Variants in ADIPOR2 observed in about 807,000 individuals in gnomAD.
The protein encoded by ADIPOR2 is adiponectin receptor 2.
ADIPOR2 carries 18 observed loss-of-function variants against 40.9 expected under a neutral mutation model. The observed-to-expected ratio is 0.44, with a 90% CI of 0.30 to 0.65. The LOEUF (loss-of-function observed/expected upper bound fraction) is 0.65. Ranked by LOEUF, ADIPOR2 falls within the 30% of genes least tolerant of loss-of-function variation. The pLI is 0.09. For missense variants in ADIPOR2, 283 were observed against 479.2 expected (o/e 0.59, Z 3.82); for synonymous variants, 165 against 166.4 (o/e 0.99, Z 0.06).
At chr12:1,734,720 G>A (rs2094726919) in intron 1 of ADIPOR2, among the ~76,000 whole-genome samples, 1 of 152,126 alleles carries the variant, frequency 6.6e-6, no homozygotes, top group Non-Finnish European at 1.5e-5. Flanking sequence ...TTCTTCTAGG[G>A]TTTTTAGGTT....
At chr12:1,755,303 C>G (rs1862103052) in intron 2 of ADIPOR2, among the ~76,000 whole-genome samples, 1 of 152,128 alleles carries the variant, frequency 6.6e-6, no homozygotes, top group African/African-American at 2.4e-5. Context: ...TGGTCTCCAT[C>G]TCAACCTCCT....
intron 1 of ADIPOR2, among the ~76,000 whole-genome samples, chr12:1,745,243 TTC>T (rs1213518598): frequency 1.3e-5 from 2 of 152,194 alleles, no homozygotes; most frequent in African/African-American, 4.8e-5. Flanking sequence ...CTTTGTTTTT[TTC>T]TTTGTCTTCA....
intron 1 of ADIPOR2, among the ~76,000 whole-genome samples, chr12:1,733,695 G>T (rs1034827660): frequency 3.3e-5 from 5 of 152,018 alleles, no homozygotes; most frequent in African/African-American, 1.2e-4. Context: ...CCATGTTGGT[G>T]TGCTGCATCT....
intron 1 of ADIPOR2, chr12:1,730,951 CAAG>C (rs1299564042): frequency 6.6e-6 from 1 of 152,102 alleles, no homozygotes; most frequent in East Asian, 1.9e-4. Context: ...GTTGTGACAA[CAAG>C]AAAATTATGT....
At chr12:1,727,141 A>T (rs1052801576) in intron 1 of ADIPOR2, among the ~76,000 whole-genome samples, 25 of 152,204 alleles carry the variant, frequency 1.6e-4, no homozygotes, top group Admixed American at 1.6e-3. Flanking sequence ...GTCCAGCTCA[A>T]ATGTTAACTC....
chr12:1,735,009 A>C (rs1349214450), intron 1 of ADIPOR2, among the ~76,000 whole-genome samples: 1 of 152,152 alleles, frequency 6.6e-6, no homozygotes, highest in Non-Finnish European at 1.5e-5. Flanking sequence ...CTTGTAGTAC[A>C]GTTTGAAGTC....
chr12:1,780,575 T>C lies in ADIPOR2; in HGVS notation c.588T>C (p.Ser196=), dbSNP rs1202001793. 13 of 1,613,566 alleles carry C rather than the reference T, an allele frequency of 8.1e-6. No homozygotes were observed. The highest frequency in any genetic ancestry group is 4.0e-5 in the African/African-American group (3 of 74,892). ...LFFLGAILCL[S]FSWLFHTVYC... is the part of the protein sequence containing the mutation. ...TCTTAGGAGCCATTCTCTGCCTTTC[T>C]TTTTCATGGCTCTTCCACACAGTCT... Residue 196 remains serine (S), a synonymous_variant, in exon 5 of 8, where the codon TCT becomes TCC. Coordinates refer to ENST00000357103, the MANE Select transcript of ADIPOR2 (RefSeq NM_024551.3).
At chr12:1,764,558 A>C (rs1030439415) in intron 2 of ADIPOR2, among the ~76,000 whole-genome samples, 3 of 119,084 alleles carry the variant, frequency 2.5e-5, no homozygotes, top group Non-Finnish European at 5.1e-5. Context: ...TAAAGTATTA[A>C]ACACACACAC....
intron 1 of ADIPOR2, among the ~76,000 whole-genome samples, chr12:1,744,339 T>A (rs10735000): frequency 6.6e-6 from 1 of 151,988 alleles, no homozygotes; most frequent in East Asian, 1.9e-4. Context: ...CTCCTGACAT[T>A]GTGATCTGCC....
At chr12:1,724,535 T>C (rs2094704051) in intron 1 of ADIPOR2, among the ~76,000 whole-genome samples, 1 of 152,182 alleles carries the variant, frequency 6.6e-6, no homozygotes, top group African/African-American at 2.4e-5. Context: ...GTTTCAGTTT[T>C]GCAAGTTGTA....
chr12:1,725,798 A>G (rs1414334982), intron 1 of ADIPOR2, among the ~76,000 whole-genome samples: 1 of 152,218 alleles, frequency 6.6e-6, no homozygotes, highest in African/African-American at 2.4e-5. Context: ...CATTGTACTA[A>G]TCTGTCTTGG....
At chr12:1,779,399 A>G (rs945614660) in intron 4 of ADIPOR2, among the ~76,000 whole-genome samples, 1 of 152,218 alleles carries the variant, frequency 6.6e-6, no homozygotes, top group Non-Finnish European at 1.5e-5. Flanking sequence ...ACATTTGCTA[A>G]GTGAAAGAAG....
rs184004028 is a variant in ADIPOR2, at chr12:1,778,094, G to A, written c.463+69G>A. The A allele has an allele frequency of 4.5e-4, 669 of 1,492,068 alleles. 2 individuals carry two copies. In the African/African-American group the frequency reaches 7.8e-3, roughly 17 times the overall value. 92.4% of individuals were successfully genotyped at this position (1,492,068 alleles called of 1,614,324 possible). A position where few individuals can be genotyped will look rare whatever the true frequency, so the allele number is the denominator to read the frequency against. On this transcript the variant is annotated intron_variant, in intron 4 of 7. Transcript: ENST00000357103. ...TCCTTTTTATTTTCATGTATTTGAG[G>A]GTAAGCACAGAACTTCAGAAATGTA...
At chr12:1,782,472 T>TA (rs1398222488) in intron 6 of ADIPOR2, among the ~76,000 whole-genome samples, 2 of 152,230 alleles carry the variant, frequency 1.3e-5, no homozygotes, top group Admixed American at 1.3e-4. Flanking sequence ...CTTTGGCTGA[T>TA]ACACGGGTTT....
Position 1,785,966 on chromosome 12 carries a change from A to T in ADIPOR2, c.1055A>T (p.His352Leu). The T allele has an allele frequency of 6.2e-7, 1 of 1,613,798 alleles. No homozygotes were observed. The highest frequency in any genetic ancestry group is 1.1e-5 in the South Asian group (1 of 91,060). ...DIWFHSHQLF[H>L]IFVVAGAFVH... ...CAGTTTCACTCTCATCAGCTGTTTC[A>T]TATCTTTGTGGTTGCTGGAGCTTTT... Residue 352 changes from histidine (H) to leucine (L), a missense_variant, in exon 8 of 8, where the codon CAT becomes CTT. Around this residue, in one of 3 missense-constraint regions of ADIPOR2, gnomAD observed 106 missense variants for 149.7 expected, o/e 0.71. Transcript: ENST00000357103.
chr12:1,716,705 C>T (rs1020311396), intron 1 of ADIPOR2, among the ~76,000 whole-genome samples: 4 of 152,186 alleles, frequency 2.6e-5, no homozygotes, highest in African/African-American at 9.7e-5. Flanking sequence ...ACCTGAATTA[C>T]ATTTTCGGTA....
At chr12:1,762,627 G>A (rs1318248417) in intron 2 of ADIPOR2, among the ~76,000 whole-genome samples, 1 of 152,198 alleles carries the variant, frequency 6.6e-6, no homozygotes, top group Non-Finnish European at 1.5e-5. Flanking sequence ...TAGAATAAAT[G>A]CATTCTTATC....
Position 1,743,237 on chromosome 12 carries a change from A to AAAAAAAC in ADIPOR2, c.-86-11015_-86-11014insCAAAAAA, listed in dbSNP as rs1555169139. 4.6e-5 allele frequency among the ~76,000 whole-genome samples: 6 copies of AAAAAAAC among 131,838 alleles called. No homozygotes were observed. The East Asian group carries it at 6.5e-4, about 14-fold the overall frequency. The allele number at this position is 131,838 out of a possible 152,430, so 86.5% of individuals were successfully genotyped here. On this transcript the variant is annotated intron_variant, in intron 1 of 7. Coordinates refer to ENST00000357103, the MANE Select transcript of ADIPOR2 (RefSeq NM_024551.3). ...TGAAACCCCATCTCTACCAAAAAAA[A>AAAAAAAC]AAAAAAAAACAAAGCAGTGAGCCAA... is the stretch of plus-strand genomic sequence containing the variant.
chr12:1,745,891 A>C (rs1043796789), intron 1 of ADIPOR2, among the ~76,000 whole-genome samples: 1 of 150,558 alleles, frequency 6.6e-6, no homozygotes, highest in African/African-American at 2.5e-5. Context: ...ATTGAAATTC[A>C]TGCATAGTGT....
Sources: allele counts gnomAD v4.1 joint callset (sites outside exome capture counted in the v4.1 genomes callset), GRCh38; gene constraint gnomAD v4.1.1; regional missense constraint gnomAD v4.1.1; transcripts MANE v1.5; gene names NCBI Gene and HGNC (gene_info 2026-07-23, HGNC 2026-07-21).